Variants in RPGRIP1 observed in about 807,000 individuals in gnomAD.
RPGRIP1 encodes RPGR interacting protein 1, also known as X-linked retinitis pigmentosa GTPase regulator-interacting protein 1.
A neutral mutation model predicts 157.9 loss-of-function variants in RPGRIP1; 128 were observed. The ratio of observed to expected loss-of-function variants is 0.81; its 90% CI spans 0.70 to 0.94. RPGRIP1 has a LOEUF of 0.94. Ranked by LOEUF, RPGRIP1 falls within the 40% of genes least tolerant of loss-of-function variation. RPGRIP1 has a pLI of 0.00. For synonymous variants in RPGRIP1, 554 were observed against 571.6 expected, an observed-to-expected ratio of 0.97 and a Z score of 0.44; for missense variants, 1,486 against 1,545.8, an observed-to-expected ratio of 0.96 and a Z score of 0.65.
rs1222800629 is a variant in RPGRIP1 at position 21,301,011 on chromosome 14, G to A, written c.264G>A (p.Leu88=). 1.2e-6 allele frequency: 2 copies of A among 1,612,582 alleles called. No homozygotes were observed. The highest frequency in any genetic ancestry group is 1.1e-5 in the South Asian group (1 of 91,074). The part of the protein sequence containing the change: ...LLRLTAAGRD[L]RVAEEAAPLS... ...GGTTGACCGCTGCTGGCCGGGACCT[G>A]CGGGTCGCGGAGGAGGCGGCGCCGC... Residue 88 remains leucine (L), a synonymous_variant, in exon 4 of 25, where the codon CTG becomes CTA. Transcript: ENST00000400017.
intron 19 of RPGRIP1, 65 bp downstream of exon 19, chr14:21,328,692 C>T (rs1883378058): frequency 6.8e-6 from 8 of 1,168,704 alleles, no homozygotes; most frequent in Admixed American, 3.8e-5. Context: ...GTATTATTCT[C>T]AGAGGTAGAA....
intron 2 of RPGRIP1, among the ~76,000 whole-genome samples, chr14:21,293,675 G>A (rs1302998142): frequency 2.0e-5 from 3 of 152,088 alleles, no homozygotes; most frequent in Non-Finnish European, 2.9e-5. Flanking sequence ...TCAAGAGATC[G>A]AGACCATCCT....
In RPGRIP1 at chr14:21,317,206, A is replaced by G. The variant is rs191147485; in HGVS notation, c.1152-490A>G. Among the ~76,000 whole-genome samples, 3 of 152,348 alleles carry G rather than the reference A, an allele frequency of 2.0e-5. No homozygotes were observed. The East Asian group carries it at 5.8e-4, about 29-fold the overall frequency. ...GTCTGCTCTGACAGCTTGATACAAT[A>G]GGGTGGAGGATACAGTTGTTGAAAA... On this transcript the variant is annotated intron_variant, in intron 10 of 24. Transcript: ENST00000400017.
At position 21,348,159 on chromosome 14, in the gene RPGRIP1, A is replaced by C. The variant is rs1459804467; in HGVS notation, c.3618-13A>C. On this transcript the variant is annotated splice_polypyrimidine_tract_variant and intron_variant, in intron 23 of 24. Coordinates refer to ENST00000400017, the MANE Select transcript of RPGRIP1 (RefSeq NM_020366.4). The stretch of plus-strand genomic sequence containing the variant: ...GTATCAACAGTGCTGAATTAAATGC[A>C]ATTTCTTTTTAGTTTAAAGTTTACA... 2 of 1,558,964 alleles carry C rather than the reference A, an allele frequency of 1.3e-6. No individual in the cohort carries two copies. Among genetic ancestry groups the C allele is most frequent in the African/African-American group, 1.4e-5 (1 of 72,870 alleles).
intron 21 of RPGRIP1, among the ~76,000 whole-genome samples, chr14:21,342,060 A>T (rs1465955631): frequency 6.6e-6 from 1 of 151,666 alleles, no homozygotes; most frequent in African/African-American, 2.4e-5. Context: ...AAAAAAAAAA[A>T]AAAAGACTGG....
chr14:21,318,395 C>T (rs1469068191), intron 11 of RPGRIP1, among the ~76,000 whole-genome samples: 1 of 149,536 alleles, frequency 6.7e-6, no homozygotes, highest in Non-Finnish European at 1.5e-5. Flanking sequence ...TACAGGCGTG[C>T]GCCACTGTGC....
intron 3 of RPGRIP1, among the ~76,000 whole-genome samples, chr14:21,298,815 C>T (rs1880902031): frequency 6.6e-6 from 1 of 151,618 alleles, no homozygotes; most frequent in Non-Finnish European, 1.5e-5. Flanking sequence ...TGGTGGGCGC[C>T]TGTAATCCCA....
intron 21 of RPGRIP1, 139 bp from the exon 22 acceptor site, chr14:21,342,897 A>C (rs1002564844): frequency 9.2e-6 from 5 of 541,884 alleles, no homozygotes; most frequent in Non-Finnish European, 1.2e-5. Flanking sequence ...CTATAAAAGG[A>C]TTCTCAGGGA....
At chr14:21,286,012 A>G (rs1219455919) in intron 1 of RPGRIP1, among the ~76,000 whole-genome samples, 1 of 151,942 alleles carries the variant, frequency 6.6e-6, no homozygotes, top group African/African-American at 2.4e-5. Context: ...TGTTTTTTAG[A>G]CAGTTTTGCT....
intron 6 of RPGRIP1, among the ~76,000 whole-genome samples, chr14:21,306,016 G>C (rs1051531043): frequency 6.7e-6 from 1 of 149,500 alleles, no homozygotes; most frequent in African/African-American, 2.5e-5. Context: ...GGGAATCAAT[G>C]AGATAGAGTG....
intron 12 of RPGRIP1, among the ~76,000 whole-genome samples, chr14:21,320,625 GT>G (rs1882344892): frequency 8.6e-6 from 1 of 116,554 alleles, no homozygotes; most frequent in Non-Finnish European, 1.7e-5. Flanking sequence ...TTGAGATGGA[GT>G]TTTGCTCTTG....
Position 21,334,717 on chromosome 14 carries a change from G to T in RPGRIP1, c.3339+12G>T. ...AATATCCTAAGGCAGTAAGTACACT[G>T]GAGTAATCATTGCATACGAGATAAG... On this transcript the variant is annotated intron_variant, in intron 21 of 24. Coordinates refer to ENST00000400017, the MANE Select transcript of RPGRIP1 (RefSeq NM_020366.4). 6.7e-7 allele frequency: 1 copy of T among 1,497,412 alleles called. No homozygotes were observed. Among genetic ancestry groups the T allele is most frequent in the East Asian group, 2.3e-5 (1 of 43,722 alleles). The allele number at this position is 1,497,412 out of a possible 1,614,324, so 92.8% of individuals were successfully genotyped here.
chr14:21,281,520 CTCT>C (rs2139124215), intron 1 of RPGRIP1, among the ~76,000 whole-genome samples: 1 of 151,750 alleles, frequency 6.6e-6, no homozygotes, highest in East Asian at 2.0e-4. Flanking sequence ...AAAACCCTGT[CTCT>C]ACTAAGAATA....
intron 21 of RPGRIP1, among the ~76,000 whole-genome samples, chr14:21,338,014 TC>T (rs1241971664): frequency 6.6e-6 from 1 of 151,992 alleles, no homozygotes; most frequent in Non-Finnish European, 1.5e-5. Flanking sequence ...CCCCCCAGGT[TC>T]AAGCAATTCT....
intron 11 of RPGRIP1, among the ~76,000 whole-genome samples, chr14:21,319,620 G>A (rs1282660557): frequency 6.6e-6 from 1 of 152,070 alleles, no homozygotes; most frequent in Non-Finnish European, 1.5e-5. Context: ...TCCAGGCCAG[G>A]GTGGGTGTGA....
intron 19 of RPGRIP1, among the ~76,000 whole-genome samples, chr14:21,329,433 T>C (rs2139257756): frequency 6.6e-6 from 1 of 152,252 alleles, no homozygotes; most frequent in Non-Finnish European, 1.5e-5. Context: ...GTAATTTAAT[T>C]CAGCATATTA....
In RPGRIP1 at chr14:21,288,046, C is replaced by T. The variant is rs1229299855; in HGVS notation, c.70C>T (p.Leu24=). 5 of 1,610,910 alleles carry T rather than the reference C, an allele frequency of 3.1e-6. No homozygotes were observed. The highest frequency in any genetic ancestry group is 4.2e-6 in the Non-Finnish European group (5 of 1,177,268). Residue 24 remains leucine, a synonymous_variant, in exon 2 of 25, where the codon CTA becomes TTA. Coordinates refer to ENST00000400017, the MANE Select transcript of RPGRIP1 (RefSeq NM_020366.4). ...VRDIDAIPLV[L]PASKGKNMKT... ...AGACATAGATGCTATACCTCTGGTG[C>T]TACCAGCCTCAAAAGGTAACTTCTA... is the stretch of plus-strand genomic sequence containing the variant.
At position 21,321,394 on chromosome 14, in the gene RPGRIP1, T is replaced by G. The variant is rs755777906; in HGVS notation, c.1603T>G (p.Cys535Gly). The G allele has an allele frequency of 6.8e-6, 11 of 1,609,844 alleles. No homozygotes were observed. In the South Asian group the frequency reaches 1.1e-4, roughly 16 times the overall value. The part of the protein sequence containing the change: ...MLILQRKINV[C>G]YQEELEAMMT... Reference sequence around the variant, plus strand: ...TATTCTGCAGCGCAAAATCAACGTGTGTTATCAGGTGCAAGGAAAGATGGT... The same window carrying G: ...TATTCTGCAGCGCAAAATCAACGTGGGTTATCAGGTGCAAGGAAAGATGGT... The change falls in exon 13 of 25, where the codon TGT (cysteine) becomes GGT (glycine). Residue 535 changes from cysteine (C) to glycine (G), a missense_variant. Cys to Gly is a radical substitution (Grantham distance 159, BLOSUM62 -3). Coordinates refer to ENST00000400017, the MANE Select transcript of RPGRIP1 (RefSeq NM_020366.4).
At chr14:21,320,221 C>T (rs1882251106) in intron 12 of RPGRIP1, 44 bp downstream of exon 12, 1 of 1,525,114 alleles carries the variant, frequency 6.6e-7, no homozygotes, top group Non-Finnish European at 9.0e-7. Flanking sequence ...GCAGAGAGAT[C>T]TCTGGCAAAT....
Sources: gnomAD v4.1 joint callset for allele counts (sites outside exome capture counted in the v4.1 genomes callset) on GRCh38, gnomAD v4.1.1 for gene constraint, MANE v1.5 for transcripts, NCBI Gene and HGNC (gene_info 2026-07-23, HGNC 2026-07-21) for gene names.